The following EYS variants were observed in gnomAD, a reference collection of about 807,000 sequenced individuals.
EYS encodes the protein EGF-like photoreceptor maintenance factor, also known as protein eyes shut homolog.
In EYS, 250 loss-of-function variants were observed where a neutral mutation model predicts 282.1. That is an observed-to-expected ratio of 0.89 (90% CI 0.80 to 0.98). The LOEUF (loss-of-function observed/expected upper bound fraction) is 0.98. EYS is among the 50% of genes least tolerant of loss of function. The pLI is 0.00. For synonymous variants in EYS, 1,355 were observed against 1,282.9 expected (o/e 1.06, Z -1.20); for missense variants, 4,016 against 3,709.0 (o/e 1.08, Z -2.15).
chr6:64,617,895 A>C (rs1256880037), intron 23 of EYS, among the ~76,000 whole-genome samples: 1 of 152,218 alleles, frequency 6.6e-6, no homozygotes, highest in Non-Finnish European at 1.5e-5. Flanking sequence ...GGAAAGCAAT[A>C]GAATAAAGAC....
Position 64,008,060 on chromosome 6 carries a change from A to G in EYS, c.6726-8877T>C, listed in dbSNP as rs1176261014. Reference sequence around the variant, plus strand: ...AGTTTTCTGCTTCAGTGATCTGTCTAATACTCTCAGTGGGGTGTTTAAATC... The same window carrying G: ...AGTTTTCTGCTTCAGTGATCTGTCTGATACTCTCAGTGGGGTGTTTAAATC... On this transcript the variant is annotated intron_variant, in intron 33 of 42. Coordinates refer to ENST00000503581, the MANE Select transcript of EYS (RefSeq NM_001142800.2). Among the ~76,000 whole-genome samples the G allele has an allele frequency of 3.9e-5, 6 of 152,090 alleles. No homozygotes were observed. In the East Asian group the frequency reaches 1.2e-3, roughly 29 times the overall value.
At chr6:63,741,656 T>G (rs1454829665) in intron 41 of EYS, among the ~76,000 whole-genome samples, 1 of 152,220 alleles carries the variant, frequency 6.6e-6, no homozygotes, top group African/African-American at 2.4e-5. Context: ...GAGATGTCTG[T>G]GAGATCTTTC....
intron 41 of EYS, among the ~76,000 whole-genome samples, chr6:63,760,666 A>G (rs895613348): frequency 2.0e-5 from 3 of 149,364 alleles, no homozygotes; most frequent in African/African-American, 7.5e-5. Context: ...CTATCTATCT[A>G]TCTATCTATC....
At chr6:64,639,123 T>C (rs1252965747) in intron 22 of EYS, among the ~76,000 whole-genome samples, 1 of 89,204 alleles carries the variant, frequency 1.1e-5, no homozygotes, top group African/African-American at 4.5e-5. Context: ...TCCTTGTGTC[T>C]TTGCATGGTC....
intron 29 of EYS, among the ~76,000 whole-genome samples, chr6:64,334,504 A>G (rs1264918366): frequency 3.3e-5 from 5 of 152,192 alleles, no homozygotes; most frequent in African/African-American, 9.7e-5. Context: ...TGAAAGAATT[A>G]TCAAATACTA....
chr6:64,148,542 T>G (rs1774597212), intron 31 of EYS, among the ~76,000 whole-genome samples: 1 of 152,170 alleles, frequency 6.6e-6, no homozygotes, highest in Non-Finnish European at 1.5e-5. Context: ...TTAAGTTGCT[T>G]ACAGTGAATC....
At chr6:65,529,263 T>C (rs1196639934) in intron 2 of EYS, among the ~76,000 whole-genome samples, 1 of 152,198 alleles carries the variant, frequency 6.6e-6, no homozygotes, top group African/African-American at 2.4e-5. Flanking sequence ...ATGTTCTGGC[T>C]TTTGGATGCT....
intron 33 of EYS, among the ~76,000 whole-genome samples, chr6:64,012,625 C>T (rs1163138005): frequency 6.6e-6 from 1 of 152,130 alleles, no homozygotes; most frequent in Non-Finnish European, 1.5e-5. Context: ...CTTTCCTTAC[C>T]ACTTCACTTA....
At position 64,161,102 on chromosome 6, in the gene EYS, A is replaced by G. The variant is rs532570892; in HGVS notation, c.6424+69490T>C. Among the ~76,000 whole-genome samples, 4 of 152,346 alleles carry G rather than the reference A, an allele frequency of 2.6e-5. No homozygotes were observed. In the South Asian group the frequency reaches 8.3e-4, roughly 32 times the overall value. On this transcript the variant is annotated intron_variant, in intron 31 of 42. Transcript: ENST00000503581. ...TGGCACAAAACATGTTACTTGAATT[A>G]CCAATTTTATATCAATATTTTCCCC...
intron 27 of EYS, among the ~76,000 whole-genome samples, chr6:64,437,794 A>G (rs1282801717): frequency 1.3e-5 from 2 of 150,424 alleles, no homozygotes; most frequent in Non-Finnish European, 3.0e-5. Flanking sequence ...ATGGTGCTAT[A>G]TATATATACA....
chr6:64,029,685 G>A (rs1769724060), intron 33 of EYS, among the ~76,000 whole-genome samples: 1 of 152,224 alleles, frequency 6.6e-6, no homozygotes, highest in Admixed American at 6.5e-5. Context: ...AAGTTCATTT[G>A]TGGAGAATGG....
chr6:65,575,326 C>CCAAATAAATAAA (rs141412291), intron 2 of EYS, among the ~76,000 whole-genome samples: 2 of 142,028 alleles, frequency 1.4e-5, no homozygotes, highest in East Asian at 4.1e-4. Flanking sequence ...GACTTCCTCT[C>CCAAATAAATAAA]TAAATAAATA....
intron 26 of EYS, among the ~76,000 whole-genome samples, chr6:64,546,830 C>T (rs1253042725): frequency 6.6e-6 from 1 of 152,146 alleles, no homozygotes; most frequent in Non-Finnish European, 1.5e-5. Context: ...GAGATACCAT[C>T]TCACACCAGT....
chr6:64,611,229 A>C (rs1290881302), intron 24 of EYS, among the ~76,000 whole-genome samples: 1 of 152,072 alleles, frequency 6.6e-6, no homozygotes, highest in East Asian at 1.9e-4. Flanking sequence ...GCTATTTTAT[A>C]TTTAGCATTC....
intron 15 of EYS, among the ~76,000 whole-genome samples, chr6:64,917,184 G>C (rs1258311176): frequency 1.3e-5 from 2 of 152,004 alleles, no homozygotes; most frequent in Non-Finnish European, 2.9e-5. Flanking sequence ...GGGTGGCGGA[G>C]GCTGCAGTGA....
intron 33 of EYS, among the ~76,000 whole-genome samples, chr6:64,020,880 G>T (rs1230343883): frequency 6.6e-6 from 1 of 152,196 alleles, no homozygotes; most frequent in Non-Finnish European, 1.5e-5. Flanking sequence ...TCTCAATAGT[G>T]GTGCCATAGA....
intron 32 of EYS, among the ~76,000 whole-genome samples, chr6:64,071,936 GT>G (rs1771595973): frequency 6.6e-6 from 1 of 151,654 alleles, no homozygotes; most frequent in African/African-American, 2.4e-5. Context: ...GGATGACCAA[GT>G]TGGGGAAGGA....
In EYS at chr6:65,656,963, C is replaced by A. The variant is rs561502302; in HGVS notation, c.-447-17071G>T. 2.0e-4 allele frequency among the ~76,000 whole-genome samples: 31 copies of A among 151,918 alleles called. No individual in the cohort carries two copies. The South Asian group carries it at 5.8e-3, about 28-fold the overall frequency. ...GGTGATTTTAAAGTTGAAACTGAAT[C>A]TCATTTACTATTTTGAACATTTTAG... On this transcript the variant is annotated intron_variant, in intron 1 of 42. Coordinates refer to ENST00000503581, the MANE Select transcript of EYS (RefSeq NM_001142800.2).
intron 22 of EYS, among the ~76,000 whole-genome samples, chr6:64,806,436 AT>A (rs535799529): frequency 0.02 from 3,083 of 151,824 alleles, 100 homozygotes; most frequent in African/African-American, 0.07. Context: ...TATCTCAAAT[AT>A]TTTTTTTAAC....
Sources: gnomAD v4.1 joint callset for allele counts (sites outside exome capture counted in the v4.1 genomes callset) on GRCh38, gnomAD v4.1.1 for gene constraint, MANE v1.5 for transcripts, NCBI Gene and HGNC (gene_info 2026-07-23, HGNC 2026-07-21) for gene names.